Variants in THRB observed in about 807,000 individuals in gnomAD.
THRB encodes the protein thyroid hormone receptor beta.
Under a neutral mutation model 47.8 loss-of-function variants are expected in THRB, and 12 were observed. That is an observed-to-expected ratio of 0.25 (90% CI 0.16 to 0.41). The LOEUF (loss-of-function observed/expected upper bound fraction) is 0.41, where lower values mean the gene tolerates loss of function less well. THRB is among the 10% of genes least tolerant of loss of function. THRB has a pLI of 1.00. For synonymous variants in THRB, 218 were observed against 212.2 expected (o/e 1.03, Z -0.24); for missense variants, 348 against 589.2 (o/e 0.59, Z 4.24).
Position 24,141,436 on chromosome 3 carries a change from T to C in THRB, c.738+2065A>G, listed in dbSNP as rs115066784. 6.5e-3 allele frequency among the ~76,000 whole-genome samples: 986 copies of C among 152,326 alleles called. 14 individuals are homozygous for C. The highest frequency in any genetic ancestry group is 0.023 in the African/African-American group (955 of 41,566). On this transcript the variant is annotated intron_variant, in intron 8 of 10. Coordinates refer to ENST00000646209, the MANE Select transcript of THRB (RefSeq NM_001354712.2). The stretch of plus-strand genomic sequence containing the variant: ...GACCACCATGTTCACAGAAATGAAG[T>C]CTCTCCCCACTTCCAGTTCACAAAC...
At chr3:24,283,120 G>A (rs1352719337) in intron 3 of THRB, among the ~76,000 whole-genome samples, 32 of 151,274 alleles carry the variant, frequency 2.1e-4, no homozygotes, top group Admixed American at 1.1e-3. Context: ...GCCGGGCAGA[G>A]ACACAACCAA....
intron 3 of THRB, among the ~76,000 whole-genome samples, chr3:24,271,942 C>T (rs1443977950): frequency 1.3e-5 from 2 of 152,060 alleles, no homozygotes; most frequent in Non-Finnish European, 2.9e-5. Flanking sequence ...TGATTATTAG[C>T]TATTATGATT....
chr3:24,169,545 T>G (rs963848361), intron 5 of THRB, among the ~76,000 whole-genome samples: 1 of 151,982 alleles, frequency 6.6e-6, no homozygotes, highest in South Asian at 2.1e-4. Flanking sequence ...CACAGTTTTC[T>G]TATTTGTAAA....
intron 4 of THRB, among the ~76,000 whole-genome samples, chr3:24,192,307 G>A (rs1286530774): frequency 6.6e-6 from 1 of 152,130 alleles, no homozygotes; most frequent in Non-Finnish European, 1.5e-5. Flanking sequence ...GGGGGCAGGG[G>A]TTAATTCTGG....
At chr3:24,373,025 C>A (rs2065029919) in intron 1 of THRB, among the ~76,000 whole-genome samples, 1 of 152,026 alleles carries the variant, frequency 6.6e-6, no homozygotes. Context: ...AAGAGATCAG[C>A]CTAAGTGGGC....
At chr3:24,375,310 ATATAT>A (rs2065188097) in intron 1 of THRB, among the ~76,000 whole-genome samples, 1 of 147,260 alleles carries the variant, frequency 6.8e-6, no homozygotes. Flanking sequence ...TATAATATTA[ATATAT>A]TATATTTAGA....
intron 8 of THRB, 129 bp downstream of exon 8, chr3:24,143,372 C>G: frequency 1.1e-6 from 1 of 949,882 alleles, no homozygotes; most frequent in African/African-American, 1.6e-5. Flanking sequence ...CTCAGCCTCT[C>G]AGAGCTACGG....
rs377417782 is a variant in THRB at position 24,436,886 on chromosome 3, G to A, written c.-261+57766C>T. On this transcript the variant is annotated intron_variant, in intron 1 of 10. Transcript: ENST00000646209. The stretch of plus-strand genomic sequence containing the variant: ...CAGCTAATCAATGCTGACAGAATTA[G>A]GTGCAGATAGAAACATCCCAGTTCT... 5.2e-4 allele frequency among the ~76,000 whole-genome samples: 79 copies of A among 152,014 alleles called. No individual in the cohort carries two copies. In the South Asian group the frequency reaches 0.015, roughly 29 times the overall value.
upstream of THRB, chr3:24,495,445 A>G (rs550406049): frequency 9.8e-5 from 15 of 153,034 alleles, no homozygotes; most frequent in Non-Finnish European, 2.1e-4. Context: ...TACGCACTCG[A>G]GGTCCCCGGG....
chr3:24,380,084 A>G (rs2065586151), intron 1 of THRB, among the ~76,000 whole-genome samples: 1 of 149,846 alleles, frequency 6.7e-6, no homozygotes, highest in African/African-American at 2.5e-5. Flanking sequence ...CAGCATTAAG[A>G]AGGAAATAGG....
intron 8 of THRB, among the ~76,000 whole-genome samples, chr3:24,137,157 A>T (rs2148935524): frequency 6.6e-6 from 1 of 152,360 alleles, no homozygotes; most frequent in South Asian, 2.1e-4. Context: ...TATGAACTTA[A>T]GGGGGTAGAG....
chr3:24,482,105 T>A (rs1696524275), intron 1 of THRB, among the ~76,000 whole-genome samples: 1 of 152,210 alleles, frequency 6.6e-6, no homozygotes, highest in Non-Finnish European at 1.5e-5. Flanking sequence ...GAGTCTGACT[T>A]CTGGGTCTCT....
intron 5 of THRB, among the ~76,000 whole-genome samples, chr3:24,185,905 T>C (rs2042511329): frequency 6.6e-6 from 1 of 152,050 alleles, no homozygotes; most frequent in Non-Finnish European, 1.5e-5. Flanking sequence ...TCAAACAGTG[T>C]GGGGTTCTCA....
chr3:24,337,997 G>A (rs994204902), intron 1 of THRB, among the ~76,000 whole-genome samples: 1 of 152,198 alleles, frequency 6.6e-6, no homozygotes, highest in African/African-American at 2.4e-5. Flanking sequence ...CTGCCATGCC[G>A]CAGAGGATGT....
At chr3:24,193,277 T>C (rs2043567175) in intron 4 of THRB, among the ~76,000 whole-genome samples, 2 of 152,214 alleles carry the variant, frequency 1.3e-5, no homozygotes, top group African/African-American at 2.4e-5. Context: ...TTCTCAAAGT[T>C]TGATGTGTAT....
chr3:24,324,762 A>T (rs2058702498), intron 2 of THRB, among the ~76,000 whole-genome samples: 1 of 152,206 alleles, frequency 6.6e-6, no homozygotes, highest in African/African-American at 2.4e-5. Flanking sequence ...GAGAACACTA[A>T]AGGTCCATGT....
intron 3 of THRB, among the ~76,000 whole-genome samples, chr3:24,274,873 G>C (rs1228767841): frequency 1.3e-5 from 2 of 150,672 alleles, no homozygotes; most frequent in Admixed American, 6.6e-5. Context: ...TATTTTCTAT[G>C]AGAGAGACAG....
chr3:24,142,702 G>A (rs1470204117), intron 8 of THRB, among the ~76,000 whole-genome samples: 1 of 152,204 alleles, frequency 6.6e-6, no homozygotes, highest in Non-Finnish European at 1.5e-5. Flanking sequence ...TTCTAATGAG[G>A]TGGGTGGAGA....
intron 1 of THRB, among the ~76,000 whole-genome samples, chr3:24,418,439 T>A (rs2068945483): frequency 6.6e-6 from 1 of 151,892 alleles, no homozygotes; most frequent in Non-Finnish European, 1.5e-5. Context: ...TATTTGTATT[T>A]TACAAACCCC....
Sources: gnomAD v4.1 joint callset for allele counts (sites outside exome capture counted in the v4.1 genomes callset) on GRCh38, gnomAD v4.1.1 for gene constraint, MANE v1.5 for transcripts, NCBI Gene and HGNC (gene_info 2026-07-23, HGNC 2026-07-21) for gene names.